Variants in PCDHAC1 observed in about 807,000 individuals in gnomAD.
PCDHAC1 encodes the protein protocadherin alpha subfamily C, 1, also known as protocadherin alpha-C1.
A neutral mutation model predicts 60.0 loss-of-function variants in PCDHAC1; 42 were observed. The observed-to-expected ratio is 0.70, with a 90% CI of 0.55 to 0.90. PCDHAC1 has a LOEUF of 0.90. Ranked by LOEUF, PCDHAC1 falls within the 40% of genes least tolerant of loss-of-function variation. PCDHAC1 has a pLI of 0.00. For synonymous variants in PCDHAC1, 468 were observed against 499.3 expected, an observed-to-expected ratio of 0.94 and a Z score of 0.84; for missense variants, 1,160 against 1,222.3, an observed-to-expected ratio of 0.95 and a Z score of 0.76.
chr5:140,942,902 A>G (rs956281163), intron 1 of PCDHAC1, among the ~76,000 whole-genome samples: 7 of 152,112 alleles, frequency 4.6e-5, no homozygotes, highest in Admixed American at 1.3e-4. Context: ...ATCTCTAAGA[A>G]TAAGCGTGAA....
At chr5:140,967,405 G>A in intron 1 of PCDHAC1, 1 of 1,612,164 alleles carries the variant, frequency 6.2e-7, no homozygotes, top group Non-Finnish European at 8.5e-7. Context: ...TGCTGCGTAA[G>A]GGCCTAGACC....
chr5:140,962,245 T>C (rs2095666561), intron 1 of PCDHAC1, among the ~76,000 whole-genome samples: 1 of 152,170 alleles, frequency 6.6e-6, no homozygotes, highest in Non-Finnish European at 1.5e-5. Context: ...ACCATTTTCT[T>C]CAATGAAAAA....
intron 1 of PCDHAC1, among the ~76,000 whole-genome samples, chr5:140,937,865 T>C (rs1056873213): frequency 2.0e-5 from 3 of 149,988 alleles, no homozygotes; most frequent in Non-Finnish European, 2.9e-5. Context: ...TGAGCCGAGA[T>C]CGCGCCACTG....
intron 1 of PCDHAC1, chr5:140,968,527 G>T: frequency 3.1e-6 from 5 of 1,614,142 alleles, no homozygotes; most frequent in Non-Finnish European, 4.2e-6. Flanking sequence ...CAACCAACTC[G>T]TCAGCAGCCT....
In PCDHAC1 at chr5:140,929,054, C is replaced by T. The variant is rs782514800; in HGVS notation, c.2162C>T (p.Ser721Phe). 27 of 1,614,056 alleles carry T rather than the reference C, an allele frequency of 1.7e-5. No individual in the cohort carries two copies. The highest frequency in any genetic ancestry group is 2.1e-5 in the Non-Finnish European group (25 of 1,180,042). Reference protein sequence around the residue: ...PGCCAQSCCRSTEDLRYGSKM... With the variant: ...PGCCAQSCCRFTEDLRYGSKM... ...TGTTGCGCTCAGAGCTGCTGTCGCT[C>T]TACAGAGGATCTGAGGTATGGAAGT... is the stretch of plus-strand genomic sequence containing the variant. The change falls in exon 1 of 4, where the codon TCT becomes TTT. Residue 721 changes from serine to phenylalanine, a missense_variant. This residue lies in a region of PCDHAC1 where 1,113 missense variants were observed against 1,163.7 expected (regional missense o/e 0.96). Coordinates refer to ENST00000253807, the MANE Select transcript of PCDHAC1 (RefSeq NM_018898.5).
intron 1 of PCDHAC1, among the ~76,000 whole-genome samples, chr5:140,961,952 C>T (rs2095645754): frequency 6.6e-6 from 1 of 151,264 alleles, no homozygotes; most frequent in South Asian, 2.1e-4. Flanking sequence ...GGCATGATCT[C>T]GGCTCACTGC....
rs35184029 is a variant in PCDHAC1 at position 140,997,668 on chromosome 5, T to TTGTG, written c.2582-11933_2582-11930dup. 2.7e-3 allele frequency among the ~76,000 whole-genome samples: 396 copies of TTGTG among 148,340 alleles called. 1 individual carries two copies. Among genetic ancestry groups the TTGTG allele is most frequent in the African/African-American group, 5.1e-3 (207 of 40,232 alleles). On this transcript the variant is annotated intron_variant, in intron 3 of 3. Transcript: ENST00000253807. ...AATGCAATATGTATTATTATACAGC[T>TTGTG]TGTGTGTGTGTGTGTGTGTGTGTGT...
chr5:140,953,456 C>T (rs1159331179), intron 1 of PCDHAC1, among the ~76,000 whole-genome samples: 1 of 152,110 alleles, frequency 6.6e-6, no homozygotes, highest in Admixed American at 6.5e-5. Context: ...GATTATCTGT[C>T]AGAGTTTTAA....
intron 1 of PCDHAC1, chr5:140,967,795 G>A (rs1399903836): frequency 3.1e-6 from 5 of 1,614,068 alleles, no homozygotes; most frequent in Non-Finnish European, 1.7e-6. Context: ...GGGGTCCAGT[G>A]CCCATGGCAG....
At chr5:140,953,127 G>T (rs909395659) in intron 1 of PCDHAC1, among the ~76,000 whole-genome samples, 8 of 152,178 alleles carry the variant, frequency 5.3e-5, no homozygotes, top group African/African-American at 1.4e-4. Flanking sequence ...GATCTAAACC[G>T]TATCACTGTT....
chr5:140,963,964 C>T (rs1207514831), intron 1 of PCDHAC1, among the ~76,000 whole-genome samples: 1 of 152,182 alleles, frequency 6.6e-6, no homozygotes, highest in Non-Finnish European at 1.5e-5. Flanking sequence ...AGGAGTGTGA[C>T]TGACTCCAAA....
In PCDHAC1 at chr5:140,982,208, G is replaced by A. The variant is rs146224628; in HGVS notation, c.2493-267G>A. 246 of 434,966 alleles carry A rather than the reference G, an allele frequency of 5.7e-4. 1 individual carries two copies. The highest frequency in any genetic ancestry group is 7.4e-4 in the Non-Finnish European group (200 of 268,658). 26.9% of individuals were successfully genotyped at this position (434,966 alleles called of 1,614,324 possible). ...GGGCTTCCTGTTAGATTTAGTGAGC[G>A]CCACATGGCGTTAATAAAAAACAGA... On this transcript the variant is annotated intron_variant, in intron 2 of 3. Coordinates refer to ENST00000253807, the MANE Select transcript of PCDHAC1 (RefSeq NM_018898.5).
At chr5:140,959,624 AAAAG>A (rs2095502972) in intron 1 of PCDHAC1, among the ~76,000 whole-genome samples, 1 of 152,220 alleles carries the variant, frequency 6.6e-6, no homozygotes, top group Non-Finnish European at 1.5e-5. Context: ...GTGATAGAAA[AAAAG>A]AGAGAAAAAA....
chr5:140,972,130 TTAC>T (rs1424151392), intron 1 of PCDHAC1, among the ~76,000 whole-genome samples: 1 of 152,022 alleles, frequency 6.6e-6, no homozygotes, highest in Non-Finnish European at 1.5e-5. Flanking sequence ...TATCAGTGAG[TTAC>T]TACTATTTTT....
intron 1 of PCDHAC1, chr5:140,968,436 C>T (rs1479503016): frequency 3.1e-6 from 5 of 1,613,876 alleles, no homozygotes; most frequent in Non-Finnish European, 3.4e-6. Context: ...AAGGGGAGCC[C>T]ACCACTGAGC....
intron 1 of PCDHAC1, among the ~76,000 whole-genome samples, chr5:140,960,936 T>G (rs1198055000): frequency 6.6e-6 from 1 of 152,210 alleles, no homozygotes. Flanking sequence ...CTAAGTTTAG[T>G]GAATTAGAAA....
chr5:140,962,889 A>G (rs1554226313), intron 1 of PCDHAC1, among the ~76,000 whole-genome samples: 2 of 152,220 alleles, frequency 1.3e-5, no homozygotes, highest in Admixed American at 6.5e-5. Flanking sequence ...GAATTAAAAA[A>G]TGAAAACTAG....
intron 1 of PCDHAC1, among the ~76,000 whole-genome samples, chr5:140,940,028 G>C (rs782276273): frequency 3.2e-4 from 48 of 152,048 alleles, no homozygotes; most frequent in Non-Finnish European, 5.4e-4. Context: ...ATGTTTTAAG[G>C]CTATTTTATT....
intron 1 of PCDHAC1, among the ~76,000 whole-genome samples, chr5:140,940,172 C>T (rs1177302028): frequency 6.6e-6 from 1 of 152,102 alleles, no homozygotes; most frequent in Non-Finnish European, 1.5e-5. Flanking sequence ...AAATGTCATT[C>T]TTGATAGATA....
Sources: allele counts gnomAD v4.1 joint callset (sites outside exome capture counted in the v4.1 genomes callset), GRCh38; gene constraint gnomAD v4.1.1; regional missense constraint gnomAD v4.1.1; transcripts MANE v1.5; gene names NCBI Gene and HGNC (gene_info 2026-07-23, HGNC 2026-07-21).